ACSF3: variants seen among roughly 807,000 people sequenced by gnomAD.
ACSF3 encodes the protein acyl-CoA synthetase family member 3, also known as malonate--CoA ligase ACSF3, mitochondrial.
Under a neutral mutation model 53.2 loss-of-function variants are expected in ACSF3, and 78 were observed. That is an observed-to-expected ratio of 1.47 (90% CI 1.22 to 1.77). The LOEUF is 1.77. ACSF3 is among the 40% of genes most tolerant of loss of function. The pLI is 0.00. For missense variants in ACSF3, 937 were observed against 771.1 expected (o/e 1.22, Z -2.55); for synonymous variants, 414 against 333.1 (o/e 1.24, Z -2.65).
rs146720720 is a variant in ACSF3 at position 89,140,377 on chromosome 16, CG to C, written c.1367-4887del. On this transcript the variant is annotated intron_variant, in intron 8 of 10. Coordinates refer to ENST00000614302, the MANE Select transcript of ACSF3 (RefSeq NM_001243279.3). Reference sequence around the variant, plus strand: ...GGCTTGGCCTCTCTGTACACACACACGGGCACCTGTTCCAGGCTTGGAGGCT... The same window carrying C: ...GGCTTGGCCTCTCTGTACACACACACGGCACCTGTTCCAGGCTTGGAGGCT... Among the ~76,000 whole-genome samples the C allele has an allele frequency of 1.6e-4, 25 of 152,290 alleles. No individual in the cohort carries two copies. The East Asian group carries it at 4.4e-3, about 27-fold the overall frequency.
intron 9 of ACSF3, 120 bp downstream of exon 9, chr16:89,145,521 A>T: frequency 1.6e-6 from 2 of 1,258,102 alleles, no homozygotes; most frequent in Admixed American, 4.0e-5. Context: ...GGTCCCTGTG[A>T]TGCTCACCTC....
In ACSF3 at chr16:89,155,358, C is replaced by G. The variant is rs574044196; in HGVS notation, c.*1151C>G. The G allele has an allele frequency of 1.4e-4, 64 of 451,488 alleles. No homozygotes were observed. The Admixed American group carries it at 1.5e-3, about 11-fold the overall frequency. The allele number at this position is 451,488 out of a possible 1,614,324, so 28.0% of individuals were successfully genotyped here. Reference sequence around the variant, plus strand: ...GCCAGCCCCATCTCAGGCTCACGTGCCTCTGACAGGAGACCAGCCCCATCT... The same window carrying G: ...GCCAGCCCCATCTCAGGCTCACGTGGCTCTGACAGGAGACCAGCCCCATCT... On this transcript the variant is annotated 3_prime_UTR_variant, in exon 11 of 11. Transcript: ENST00000614302.
intron 6 of ACSF3, chr16:89,114,793 C>T (rs529072008): frequency 4.6e-5 from 20 of 439,420 alleles, no homozygotes; most frequent in African/African-American, 4.0e-4. Context: ...GTGCATGTCT[C>T]AGAGGAAGGC....
intron 4 of ACSF3, among the ~76,000 whole-genome samples, chr16:89,105,607 G>A (rs1975876313): frequency 6.6e-6 from 1 of 152,178 alleles, no homozygotes; most frequent in Non-Finnish European, 1.5e-5. Context: ...GCCTGTGACT[G>A]GGCCCCCTCA....
At chr16:89,136,510 G>C (rs1446564201) in intron 8 of ACSF3, 8 of 1,239,012 alleles carry the variant, frequency 6.5e-6, no homozygotes, top group South Asian at 5.4e-5. Context: ...ATATTAAATA[G>C]AAATCAGGAG....
intron 1 of ACSF3, 93 bp downstream of exon 1, chr16:89,094,089 G>C (rs1974327293): frequency 6.6e-6 from 1 of 151,392 alleles, no homozygotes; most frequent in South Asian, 2.1e-4. Flanking sequence ...CTGGGTCGCA[G>C]CTGGGCTTGA....
At chr16:89,146,115 C>G (rs1293814745) in intron 10 of ACSF3, 66 bp downstream of exon 10, 3 of 1,172,726 alleles carry the variant, frequency 2.6e-6, no homozygotes, top group Non-Finnish European at 3.8e-6. Flanking sequence ...TGAGGGCCAC[C>G]CTAGGTATTG....
chr16:89,155,003 T>A lies in ACSF3; in HGVS notation c.*796T>A. On this transcript the variant is annotated 3_prime_UTR_variant, in exon 11 of 11. Coordinates refer to ENST00000614302, the MANE Select transcript of ACSF3 (RefSeq NM_001243279.3). ...ACCCCCACCTGCCCCATGGCCCCCA[T>A]TTCATGTCTGTGGCTCACCAGCTTT... The A allele has an allele frequency of 2.2e-6, 1 of 453,986 alleles. No individual in the cohort carries two copies. The highest frequency in any genetic ancestry group is 4.4e-6 in the Non-Finnish European group (1 of 226,748). The allele number at this position is 453,986 out of a possible 1,614,324, so 28.1% of individuals were successfully genotyped here.
chr16:89,143,873 T>A (rs1184128827), intron 8 of ACSF3, among the ~76,000 whole-genome samples: 5 of 137,252 alleles, frequency 3.6e-5, no homozygotes, highest in Non-Finnish European at 1.5e-5. Context: ...TCTCAAGGAG[T>A]GGTGAGGTGG....
intron 8 of ACSF3, chr16:89,140,979 G>A (rs1911637230): frequency 1.5e-5 from 16 of 1,088,838 alleles, no homozygotes; most frequent in African/African-American, 3.3e-5. Context: ...ATTGGCAGCC[G>A]ACTCCGATTC....
intron 6 of ACSF3, among the ~76,000 whole-genome samples, chr16:89,115,686 C>T (rs1356566265): frequency 6.6e-6 from 1 of 152,244 alleles, no homozygotes; most frequent in Non-Finnish European, 1.5e-5. Context: ...AGCTGTTCTC[C>T]AGAGCGGCTA....
chr16:89,094,357 C>T (rs1439048548), intron 1 of ACSF3, among the ~76,000 whole-genome samples: 3 of 152,210 alleles, frequency 2.0e-5, no homozygotes, highest in African/African-American at 7.2e-5. Flanking sequence ...CAGAAGTCAC[C>T]CTTGAAGTAC....
At chr16:89,118,006 C>T (rs376765807) in intron 6 of ACSF3, among the ~76,000 whole-genome samples, 4 of 104,552 alleles carry the variant, frequency 3.8e-5, no homozygotes, top group Non-Finnish European at 6.1e-5. Context: ...GAGCCCACAG[C>T]AGGTTCCCTC....
chr16:89,110,362 A>T (rs1447288763), intron 4 of ACSF3, among the ~76,000 whole-genome samples: 1 of 152,230 alleles, frequency 6.6e-6, no homozygotes, highest in African/African-American at 2.4e-5. Context: ...CACCTTCTGC[A>T]TGGAGATATT....
chr16:89,153,063 C>T (rs1254439244), intron 10 of ACSF3: 1 of 152,742 alleles, frequency 6.5e-6, no homozygotes. Context: ...GGGTCTCTGG[C>T]CGCGTCTGGA....
At chr16:89,116,844 C>T (rs1905209304) in intron 6 of ACSF3, among the ~76,000 whole-genome samples, 1 of 152,198 alleles carries the variant, frequency 6.6e-6, no homozygotes, top group African/African-American at 2.4e-5. Flanking sequence ...GGCCCCTGCT[C>T]TGGGCTGACT....
chr16:89,149,443 A>ACC (rs138474765), intron 10 of ACSF3: 7,483 of 152,054 alleles, frequency 0.049, 609 homozygotes, highest in East Asian at 0.36. Flanking sequence ...GGCTGGTGAC[A>ACC]CCCCCAACCC....
intron 7 of ACSF3, among the ~76,000 whole-genome samples, chr16:89,128,526 C>T (rs1157099142): frequency 1.3e-5 from 2 of 152,142 alleles, no homozygotes; most frequent in African/African-American, 4.8e-5. Flanking sequence ...TCCCAAAGTG[C>T]TGAGATTACA....
intron 4 of ACSF3, among the ~76,000 whole-genome samples, chr16:89,107,668 G>A (rs931404116): frequency 6.6e-6 from 1 of 152,194 alleles, no homozygotes; most frequent in African/African-American, 2.4e-5. Flanking sequence ...TAGAAGTCAC[G>A]GTTGCTATGA....
Sources: allele counts gnomAD v4.1 joint callset (sites outside exome capture counted in the v4.1 genomes callset), GRCh38; gene constraint gnomAD v4.1.1; transcripts MANE v1.5; gene names NCBI Gene and HGNC (gene_info 2026-07-23, HGNC 2026-07-21).